Variants in NIN observed in about 807,000 individuals in gnomAD.
NIN encodes glycogen synthase kinase 3 beta-interacting protein.
Under a neutral mutation model 257.6 loss-of-function variants are expected in NIN, and 137 were observed. That is an observed-to-expected ratio of 0.53 (90% CI 0.46 to 0.61). The LOEUF is 0.61. Among genes scored for constraint, NIN ranks in the 20% least tolerant of loss-of-function variants. The probability of loss-of-function intolerance (pLI) is 0.00; values close to 1 mark genes in which losing one functional copy is unlikely to be tolerated. For synonymous variants in NIN, 918 were observed against 919.8 expected (o/e 1.00, Z 0.04); for missense variants, 2,439 against 2,501.2 (o/e 0.98, Z 0.53).
intron 5 of NIN, among the ~76,000 whole-genome samples, chr14:50,789,463 T>C (rs1397438183): frequency 2.0e-5 from 3 of 152,036 alleles, no homozygotes; most frequent in East Asian, 1.9e-4. Flanking sequence ...ACCCAGCCAG[T>C]AGGGAGGCTG....
At chr14:50,779,719 CTGCACTCCAG>C (rs1182538167) in intron 5 of NIN, among the ~76,000 whole-genome samples, 2 of 151,100 alleles carry the variant, frequency 1.3e-5, no homozygotes, top group African/African-American at 4.9e-5. Flanking sequence ...GATCGCGCCA[CTGCACTCCAG>C]CCTGGGCAAC....
intron 3 of NIN, 86 bp downstream of exon 3, chr14:50,821,788 G>T: frequency 1.9e-6 from 2 of 1,026,254 alleles, no homozygotes; most frequent in Non-Finnish European, 2.9e-6. Context: ...GAAACAAGTT[G>T]CAACATGTGT....
chr14:50,732,711 TTTTG>T (rs1327003592), intron 28 of NIN, among the ~76,000 whole-genome samples: 1 of 136,622 alleles, frequency 7.3e-6, no homozygotes, highest in African/African-American at 2.9e-5. Context: ...ATAACACTGT[TTTTG>T]TTTGTTTTTT....
chr14:50,728,424 G>A (rs1024789472), intron 29 of NIN, among the ~76,000 whole-genome samples: 3 of 152,194 alleles, frequency 2.0e-5, no homozygotes, highest in African/African-American at 7.2e-5. Flanking sequence ...CATATGTAGA[G>A]GGAAAAGTTT....
chr14:50,790,641 G>A (rs886401486), intron 5 of NIN, among the ~76,000 whole-genome samples: 1 of 152,204 alleles, frequency 6.6e-6, no homozygotes, highest in Non-Finnish European at 1.5e-5. Flanking sequence ...TTCTGCTGAT[G>A]GAGGGTGGTG....
chr14:50,725,958 C>T lies in NIN; in HGVS notation c.6187G>A (p.Glu2063Lys). The T allele has an allele frequency of 6.2e-7, 1 of 1,614,028 alleles. No homozygotes were observed. ...LLQEKVNQLK[E>K]QLCKNTKADA... is the part of the protein sequence containing the mutation. ...AGATGACCGGGTAGGCTCACTTGTTCTTTGAGCTGATTCACTTTCTCTTGA... is the reference window on the plus strand; with the variant it reads ...AGATGACCGGGTAGGCTCACTTGTTTTTTGAGCTGATTCACTTTCTCTTGA... The change falls in exon 30 of 31, where the codon GAA becomes AAA. Residue 2063 changes from glutamate to lysine, a missense_variant. Physicochemically the swap from Glu to Lys is moderately conservative, Grantham distance 56. Transcript: ENST00000530997.
upstream of NIN, chr14:50,831,217 C>T (rs950242266): frequency 5.9e-5 from 9 of 151,514 alleles, no homozygotes; most frequent in African/African-American, 1.5e-4. Flanking sequence ...GCGGCTCCTC[C>T]TCTGCGGCCC....
At chr14:50,754,149 G>C (rs1360668592) in intron 20 of NIN, among the ~76,000 whole-genome samples, 2 of 152,186 alleles carry the variant, frequency 1.3e-5, no homozygotes, top group Non-Finnish European at 2.9e-5. Context: ...ATGTAATTCT[G>C]TGAAATGATA....
intron 12 of NIN, among the ~76,000 whole-genome samples, chr14:50,767,779 T>C (rs899375620): frequency 6.8e-6 from 1 of 146,730 alleles, no homozygotes; most frequent in Non-Finnish European, 1.5e-5. Context: ...ATGGCGCCAC[T>C]GCACTCCAGC....
At chr14:50,816,808 C>G (rs2044920244) in intron 3 of NIN, among the ~76,000 whole-genome samples, 1 of 152,174 alleles carries the variant, frequency 6.6e-6, no homozygotes, top group Non-Finnish European at 1.5e-5. Flanking sequence ...AAGAGAATGG[C>G]CATTTAGCAT....
intron 12 of NIN, 152 bp from the exon 13 acceptor site, chr14:50,767,042 TA>T: frequency 1.7e-6 from 1 of 602,322 alleles, no homozygotes; most frequent in Non-Finnish European, 2.9e-6. Context: ...AAAGTAAATA[TA>T]AAAGGTTGAT....
rs769744983 is a variant in NIN at position 50,821,846 on chromosome 14, C to A, written c.183+28G>T. ...CCGGCAGAAACCGCACCCCACTTCCCATAGCCACGTTCTTCCCCAGACCTT... is the reference window on the plus strand; with the variant it reads ...CCGGCAGAAACCGCACCCCACTTCCAATAGCCACGTTCTTCCCCAGACCTT... On this transcript the variant is annotated intron_variant, in intron 3 of 30. Coordinates refer to ENST00000530997, the MANE Select transcript of NIN (RefSeq NM_020921.4). The A allele has an allele frequency of 2.5e-6, 4 of 1,593,236 alleles. No individual in the cohort carries two copies. In the East Asian group the frequency reaches 9.0e-5, roughly 36 times the overall value.
chr14:50,779,677 G>A (rs1333452647), intron 5 of NIN, among the ~76,000 whole-genome samples: 1 of 151,876 alleles, frequency 6.6e-6, no homozygotes, highest in East Asian at 1.9e-4. Flanking sequence ...AGAATGGCGT[G>A]AACCCGGGAG....
At chr14:50,801,026 G>C (rs1488208516) in intron 4 of NIN, among the ~76,000 whole-genome samples, 1 of 148,968 alleles carries the variant, frequency 6.7e-6, no homozygotes, top group Non-Finnish European at 1.5e-5. Context: ...TTGTGATCCG[G>C]AGTGATCCCA....
rs1030917006 is a variant in NIN, at chr14:50,792,716, C to T, written c.431G>A (p.Ser144Asn). Residue 144 changes from serine (S) to asparagine (N), a missense_variant, in exon 5 of 31, where the codon AGT becomes AAT. Coordinates refer to ENST00000530997, the MANE Select transcript of NIN (RefSeq NM_020921.4). ...RPSHIPAGDC[S>N]EHWKTQRSEE... ...CGTGCATGCCCGATTCCTTACCTCA[C>T]TGCAGTCACCGGCTGGGATGTGTGA... 2.5e-6 allele frequency: 4 copies of T among 1,614,196 alleles called. No individual in the cohort carries two copies. The highest frequency in any genetic ancestry group is 3.4e-6 in the Non-Finnish European group (4 of 1,180,032).
chr14:50,768,958 G>A (rs1009381409), intron 12 of NIN, among the ~76,000 whole-genome samples: 1 of 152,150 alleles, frequency 6.6e-6, no homozygotes. Context: ...TAATCATGAG[G>A]GAAGATGACG....
chr14:50,753,637 G>A (rs1380116891), intron 20 of NIN, among the ~76,000 whole-genome samples: 6 of 151,668 alleles, frequency 4.0e-5, no homozygotes, highest in African/African-American at 7.3e-5. Flanking sequence ...AGGATTGCTG[G>A]GTTAGAAGAT....
intron 5 of NIN, among the ~76,000 whole-genome samples, chr14:50,780,402 G>T (rs1219393404): frequency 6.6e-6 from 1 of 152,198 alleles, no homozygotes; most frequent in East Asian, 1.9e-4. Context: ...AACTCGACAG[G>T]AAAGTCAGCC....
At position 50,738,235 on chromosome 14, in the gene NIN, G is replaced by T. The variant is rs531301565; in HGVS notation, c.5680C>A (p.Pro1894Thr). 2 of 1,613,964 alleles carry T rather than the reference G, an allele frequency of 1.2e-6. No individual in the cohort carries two copies. The highest frequency in any genetic ancestry group is 1.7e-6 in the Non-Finnish European group (2 of 1,179,916). ...TCTGTGGGATTCATGGTACCTGATG[G>T]GTTTAGATGTTTTTGGTGCTTGGGA... ...LLPKHQKHLN[P>T]SGTMNPTEQE... Residue 1894 changes from proline to threonine, a missense_variant, in exon 27 of 31, where the codon CCA (proline) becomes ACA (threonine). Physicochemically the swap from Pro to Thr is conservative, Grantham distance 38 (BLOSUM62 -1). Around this residue, in one of 3 missense-constraint regions of NIN, gnomAD observed 2,043 missense variants for 2,050.2 expected, o/e 1.00. Coordinates refer to ENST00000530997, the MANE Select transcript of NIN (RefSeq NM_020921.4).
Sources: gnomAD v4.1 joint callset for allele counts (sites outside exome capture counted in the v4.1 genomes callset) on GRCh38, gnomAD v4.1.1 for gene constraint, gnomAD v4.1.1 regional missense constraint, MANE v1.5 for transcripts, NCBI Gene and HGNC (gene_info 2026-07-23, HGNC 2026-07-21) for gene names.